Variants in FREM2 observed in about 807,000 individuals in gnomAD.
FREM2 encodes the protein FRAS1-related extracellular matrix protein 2.
FREM2 carries 119 observed loss-of-function variants against 219.9 expected under a neutral mutation model. The observed-to-expected ratio is 0.54, with a 90% confidence interval of 0.47 to 0.63. FREM2 has a LOEUF of 0.63. Among genes scored for constraint, FREM2 ranks in the 30% least tolerant of loss-of-function variants. FREM2 has a pLI of 0.00. For synonymous variants in FREM2, 1,562 were observed against 1,522.8 expected (o/e 1.03, Z -0.60); for missense variants, 4,030 against 3,993.6 (o/e 1.01, Z -0.25).
intron 14 of FREM2, among the ~76,000 whole-genome samples, chr13:38,860,529 A>G (rs889864598): frequency 1.3e-5 from 2 of 152,348 alleles, no homozygotes; most frequent in African/African-American, 4.8e-5. Context: ...CTATATATTC[A>G]GGATCAAATA....
chr13:38,697,464 T>G (rs1217173071), intron 1 of FREM2, among the ~76,000 whole-genome samples: 1 of 152,214 alleles, frequency 6.6e-6, no homozygotes, highest in Non-Finnish European at 1.5e-5. Flanking sequence ...CACCTTGCTA[T>G]TATTATAAAC....
chr13:38,718,395 C>T (rs374761286), intron 2 of FREM2, among the ~76,000 whole-genome samples: 55 of 152,292 alleles, frequency 3.6e-4, no homozygotes, highest in Middle Eastern at 3.4e-3. Context: ...CAGGTGAAAT[C>T]GAGCTGCATT....
Position 38,880,570 on chromosome 13 carries a change from T to A in FREM2, c.9293T>A (p.Leu3098His), listed in dbSNP as rs773393458. The A allele has an allele frequency of 1.2e-6, 2 of 1,614,072 alleles. No individual in the cohort carries two copies. The highest frequency in any genetic ancestry group is 3.3e-5 in the Admixed American group (2 of 60,024). The change falls in exon 24 of 24, where the codon CTC (leucine) becomes CAC (histidine). Residue 3098 changes from leucine (L) to histidine (H), a missense_variant. Around this residue, in one of 2 missense-constraint regions of FREM2, gnomAD observed 928 missense variants for 1,042.9 expected, o/e 0.89. Coordinates refer to ENST00000280481, the MANE Select transcript of FREM2 (RefSeq NM_207361.6). ...PHGRAPPDGI[L>H]PWELNSPSSA... is the part of the protein sequence containing the mutation. ...GGGAGAGCACCTCCAGATGGCATCCTCCCCTGGGAGCTCAACAGCCCCAGC... is the reference window on the plus strand; with the variant it reads ...GGGAGAGCACCTCCAGATGGCATCCACCCCTGGGAGCTCAACAGCCCCAGC...
intron 20 of FREM2, 59 bp downstream of exon 20, chr13:38,876,441 AT>A: frequency 7.3e-7 from 1 of 1,364,472 alleles, no homozygotes; most frequent in Admixed American, 1.9e-5. Context: ...TTTTTCATTT[AT>A]TAGTAAAAAA....
At position 38,842,100 on chromosome 13, in the gene FREM2, G is replaced by A. The variant is rs185791061; in HGVS notation, c.6020-4473G>A. On this transcript the variant is annotated intron_variant, in intron 6 of 23. Transcript: ENST00000280481. ...CAAAGCAGCAGAGCCATAGAGCAAA[G>A]GCTGGGAGGGGCACATTTAAGACAT... 2.6e-5 allele frequency among the ~76,000 whole-genome samples: 4 copies of A among 152,324 alleles called. No individual in the cohort carries two copies. The East Asian group carries it at 7.7e-4, about 29-fold the overall frequency.
chr13:38,709,145 A>C (rs957128078), intron 2 of FREM2, among the ~76,000 whole-genome samples: 1 of 152,132 alleles, frequency 6.6e-6, no homozygotes, highest in Non-Finnish European at 1.5e-5. Context: ...CATGCTGCCT[A>C]CTCAGGATTC....
chr13:38,846,232 A>G (rs1877148912), intron 6 of FREM2, among the ~76,000 whole-genome samples: 1 of 151,296 alleles, frequency 6.6e-6, no homozygotes, highest in African/African-American at 2.4e-5. Flanking sequence ...AAAAAAAAAA[A>G]GATACGTGTT....
intron 4 of FREM2, chr13:38,779,626 T>G (rs983291575): frequency 6.6e-6 from 1 of 152,176 alleles, no homozygotes; most frequent in Non-Finnish European, 1.5e-5. Flanking sequence ...GTCACTTGTT[T>G]CCATTTAAAG....
intron 6 of FREM2, among the ~76,000 whole-genome samples, chr13:38,795,326 A>ACT (rs542528447): frequency 7.0e-4 from 104 of 147,692 alleles, no homozygotes; most frequent in African/African-American, 2.5e-3. Flanking sequence ...TTTCCAACAT[A>ACT]TTTTTTTTTT....
chr13:38,716,321 G>C (rs866841177), intron 2 of FREM2, among the ~76,000 whole-genome samples: 1 of 151,998 alleles, frequency 6.6e-6, no homozygotes, highest in Non-Finnish European at 1.5e-5. Context: ...TTTCAAAATA[G>C]GTACTTATGC....
rs1289302562 is a variant in FREM2, at chr13:38,848,407, A to AT, written c.6170-48dup. 307 of 1,219,772 alleles carry AT rather than the reference A, an allele frequency of 2.5e-4. 2 individuals are homozygous for AT. In the South Asian group the frequency reaches 3.5e-3, roughly 14 times the overall value. The allele number at this position is 1,219,772 out of a possible 1,614,324, so 75.6% of individuals were successfully genotyped here. On this transcript the variant is annotated intron_variant, in intron 7 of 23. Transcript: ENST00000280481. ...ACAATTACATAATTTATGTCTTATAATTTTTTGAAATTTAATTAGTCCCCA... is the reference window on the plus strand; with the variant it reads ...ACAATTACATAATTTATGTCTTATAATTTTTTTGAAATTTAATTAGTCCCCA...
chr13:38,727,951 C>T lies in FREM2; in HGVS notation c.5263+30164C>T, dbSNP rs147601395. On this transcript the variant is annotated intron_variant, in intron 2 of 23. Coordinates refer to ENST00000280481, the MANE Select transcript of FREM2 (RefSeq NM_207361.6). Reference sequence around the variant, plus strand: ...GCATGGCTTAGATGGCAGTCAGTTACACTACACTAACATTGCCAGAATTTT... The same window carrying T: ...GCATGGCTTAGATGGCAGTCAGTTATACTACACTAACATTGCCAGAATTTT... Among the ~76,000 whole-genome samples, 39 of 152,322 alleles carry T rather than the reference C, an allele frequency of 2.6e-4. No individual in the cohort carries two copies. The East Asian group carries it at 6.9e-3, about 27-fold the overall frequency.
intron 2 of FREM2, among the ~76,000 whole-genome samples, chr13:38,743,735 T>C (rs965904491): frequency 6.6e-6 from 1 of 152,176 alleles, no homozygotes; most frequent in Non-Finnish European, 1.5e-5. Flanking sequence ...TTTTCTCCAC[T>C]AGCTTAATCC....
intron 16 of FREM2, among the ~76,000 whole-genome samples, chr13:38,871,247 A>G (rs777077244): frequency 6.6e-6 from 1 of 152,180 alleles, no homozygotes; most frequent in Non-Finnish European, 1.5e-5. Context: ...CATTTTTGTG[A>G]CATGAGCAGT....
rs756944212 is a variant in FREM2 at position 38,691,001 on chromosome 13, T to C, written c.3657T>C (p.Asp1219=). The part of the protein sequence containing the change: ...DTPILNAADA[D]VPLDDLTFTI... Reference sequence around the variant, plus strand: ...CCATTCTCAATGCTGCTGATGCTGATGTTCCCCTGGATGATTTAACTTTCA... The same window carrying C: ...CCATTCTCAATGCTGCTGATGCTGACGTTCCCCTGGATGATTTAACTTTCA... Residue 1219 remains aspartate (D), a synonymous_variant, in exon 1 of 24, where the codon GAT becomes GAC. Transcript: ENST00000280481. The C allele has an allele frequency of 2.5e-6, 4 of 1,614,058 alleles. No individual in the cohort carries two copies. The African/African-American group carries it at 5.3e-5, about 22-fold the overall frequency.
At chr13:38,847,665 A>G (rs996887846) in intron 7 of FREM2, among the ~76,000 whole-genome samples, 2 of 152,204 alleles carry the variant, frequency 1.3e-5, no homozygotes, top group African/African-American at 4.8e-5. Context: ...AAAGACAGAT[A>G]TACTCAAGCA....
At chr13:38,866,142 G>A (rs972969926) in intron 16 of FREM2, among the ~76,000 whole-genome samples, 2 of 151,932 alleles carry the variant, frequency 1.3e-5, no homozygotes, top group Non-Finnish European at 2.9e-5. Flanking sequence ...GCATCTATTG[G>A]TATAAACAAA....
chr13:38,783,411 T>C (rs1258989241), intron 5 of FREM2, among the ~76,000 whole-genome samples: 2 of 150,860 alleles, frequency 1.3e-5, no homozygotes, highest in African/African-American at 4.9e-5. Context: ...TACTCAAGGC[T>C]TTTTGGATTG....
Position 38,850,194 on chromosome 13 carries a change from A to T in FREM2, c.6536A>T (p.Glu2179Val), listed in dbSNP as rs780740153. ...GCACAGGTGATGATGGACTTTGAAG[A>T]ACGCCCAAACACTGATACCTCCATC... ...GSAQVMMDFE[E>V]RPNTDTSIIT... The change falls in exon 9 of 24, where the codon GAA (glutamate) becomes GTA (valine). Residue 2179 changes from glutamate to valine, a missense_variant. Around this residue, in one of 2 missense-constraint regions of FREM2, gnomAD observed 3,102 missense variants for 2,950.7 expected, o/e 1.05. Transcript: ENST00000280481. 6.2e-7 allele frequency: 1 copy of T among 1,613,986 alleles called. No individual in the cohort carries two copies. Among genetic ancestry groups the T allele is most frequent in the Non-Finnish European group, 8.5e-7 (1 of 1,179,890 alleles).
Sources: allele counts gnomAD v4.1 joint callset (sites outside exome capture counted in the v4.1 genomes callset), GRCh38; gene constraint gnomAD v4.1.1; regional missense constraint gnomAD v4.1.1; transcripts MANE v1.5; gene names NCBI Gene and HGNC (gene_info 2026-07-23, HGNC 2026-07-21).